Variants in ROBO1 observed in about 807,000 individuals in gnomAD.
The protein encoded by ROBO1 is roundabout homolog 1.
A neutral mutation model predicts 195.9 loss-of-function variants in ROBO1; 149 were observed. The ratio of observed to expected loss-of-function variants is 0.76; its 90% CI spans 0.67 to 0.87. ROBO1 has a LOEUF of 0.87. Ranked by LOEUF, ROBO1 falls within the 40% of genes least tolerant of loss-of-function variation. The pLI is 0.00. For synonymous variants in ROBO1, 816 were observed against 733.2 expected (o/e 1.11, Z -1.82); for missense variants, 1,933 against 2,068.3 (o/e 0.93, Z 1.27).
In ROBO1 at chr3:79,698,385, G is replaced by A. The variant is rs764195159; in HGVS notation, c.-51+69367C>T. On this transcript the variant is annotated intron_variant, in intron 1 of 30. Transcript: ENST00000464233. ...AAAACAATCACAGATAGATAAGATA[G>A]GTAAGATAGATATATCAGTAAGGTA... Among the ~76,000 whole-genome samples, 4 of 151,408 alleles carry A rather than the reference G, an allele frequency of 2.6e-5. No homozygotes were observed. The East Asian group carries it at 7.8e-4, about 29-fold the overall frequency.
intron 2 of ROBO1, among the ~76,000 whole-genome samples, chr3:79,418,489 AC>A (rs2038097065): frequency 6.6e-6 from 1 of 152,056 alleles, no homozygotes; most frequent in African/African-American, 2.4e-5. Flanking sequence ...GATTTCCTCC[AC>A]TCTTTCCACC....
At chr3:79,117,589 G>C (rs1315009512) in intron 3 of ROBO1, among the ~76,000 whole-genome samples, 2 of 152,116 alleles carry the variant, frequency 1.3e-5, no homozygotes, top group Admixed American at 6.5e-5. Context: ...CACTTAAGTT[G>C]TGTTGTCATG....
At chr3:78,709,815 A>T (rs1575987955) in intron 8 of ROBO1, among the ~76,000 whole-genome samples, 1 of 152,266 alleles carries the variant, frequency 6.6e-6, no homozygotes, top group East Asian at 1.9e-4. Context: ...AATCTAAAAA[A>T]TTAGAAAACA....
chr3:78,819,814 C>T (rs944453373), intron 4 of ROBO1, among the ~76,000 whole-genome samples: 15 of 152,012 alleles, frequency 9.9e-5, no homozygotes, highest in African/African-American at 3.6e-4. Context: ...GCCACCAACC[C>T]GATACACACA....
In ROBO1 at chr3:79,582,335, C is replaced by T. The variant is rs1463772442; in HGVS notation, c.88+7489G>A. On this transcript the variant is annotated intron_variant, in intron 2 of 30. Transcript: ENST00000464233. Reference sequence around the variant, plus strand: ...TTCAGTGAATAATTTTTAGCTCCCCCTTACTCTTTTAGAGATCAAGAACCT... The same window carrying T: ...TTCAGTGAATAATTTTTAGCTCCCCTTTACTCTTTTAGAGATCAAGAACCT... Among the ~76,000 whole-genome samples, 8 of 151,754 alleles carry T rather than the reference C, an allele frequency of 5.3e-5. No individual in the cohort carries two copies. The East Asian group carries it at 1.4e-3, about 26-fold the overall frequency.
At chr3:79,393,674 G>C (rs1372542094) in intron 2 of ROBO1, among the ~76,000 whole-genome samples, 1 of 152,164 alleles carries the variant, frequency 6.6e-6, no homozygotes, top group Non-Finnish European at 1.5e-5. Flanking sequence ...AACTGGAGGA[G>C]AGCTGAGAAG....
At chr3:79,326,115 A>C (rs2109148807) in intron 2 of ROBO1, among the ~76,000 whole-genome samples, 1 of 152,208 alleles carries the variant, frequency 6.6e-6, no homozygotes, top group African/African-American at 2.4e-5. Flanking sequence ...TTTTGGTCAG[A>C]CCGGTTGCTC....
At chr3:78,826,801 A>C (rs1304278483) in intron 4 of ROBO1, among the ~76,000 whole-genome samples, 2 of 152,154 alleles carry the variant, frequency 1.3e-5, no homozygotes, top group Admixed American at 1.3e-4. Flanking sequence ...ACATTTATAC[A>C]TTAGGTATTG....
chr3:79,575,410 T>A (rs1449991213), intron 2 of ROBO1, among the ~76,000 whole-genome samples: 1 of 127,716 alleles, frequency 7.8e-6, no homozygotes, highest in African/African-American at 3.0e-5. Context: ...TAAATATAGA[T>A]AACAAATATA....
chr3:79,394,569 A>T (rs964821185), intron 2 of ROBO1, among the ~76,000 whole-genome samples: 4 of 151,312 alleles, frequency 2.6e-5, no homozygotes, highest in African/African-American at 9.7e-5. Context: ...CACATCAGTA[A>T]TTTTTGAAAA....
chr3:79,388,609 T>C (rs1354318139), intron 2 of ROBO1, among the ~76,000 whole-genome samples: 7 of 151,916 alleles, frequency 4.6e-5, no homozygotes, highest in African/African-American at 1.5e-4. Context: ...GTGAACTCCA[T>C]GAGGCAGGCA....
At chr3:78,900,442 T>C (rs1283478767) in intron 4 of ROBO1, among the ~76,000 whole-genome samples, 1 of 152,190 alleles carries the variant, frequency 6.6e-6, no homozygotes, top group African/African-American at 2.4e-5. Flanking sequence ...ATAATCTTTT[T>C]CAGTTCTTAT....
In ROBO1 at chr3:78,818,049, T is replaced by C. The variant is rs533487687; in HGVS notation, c.500-71149A>G. Among the ~76,000 whole-genome samples the C allele has an allele frequency of 2.6e-4, 40 of 152,294 alleles. No homozygotes were observed. In the Middle Eastern group the frequency reaches 0.01, roughly 39 times the overall value. ...CCAAAACCACTTGAACAGCTACCGTTTGCAGCCAGAAAGAGGTGACTGAGT... is the reference window on the plus strand; with the variant it reads ...CCAAAACCACTTGAACAGCTACCGTCTGCAGCCAGAAAGAGGTGACTGAGT... On this transcript the variant is annotated intron_variant, in intron 4 of 30. Transcript: ENST00000464233.
chr3:79,255,968 T>C (rs1022208423), intron 2 of ROBO1, among the ~76,000 whole-genome samples: 8 of 152,170 alleles, frequency 5.3e-5, no homozygotes, highest in Non-Finnish European at 7.4e-5. Flanking sequence ...TCTTTCAGGA[T>C]TTAGAATGCA....
chr3:78,624,136 G>A (rs7648749), intron 26 of ROBO1, among the ~76,000 whole-genome samples: 141,401 of 152,252 alleles, frequency 0.93, 65,684 homozygotes, highest in East Asian at 0.97. Flanking sequence ...CAGTGAAAAG[G>A]GTAGTTTATA....
chr3:79,546,075 A>G (rs890775724), intron 2 of ROBO1, among the ~76,000 whole-genome samples: 18 of 152,032 alleles, frequency 1.2e-4, no homozygotes, highest in African/African-American at 4.3e-4. Context: ...ACTTCCACTT[A>G]ATGTATAGTA....
intron 29 of ROBO1, among the ~76,000 whole-genome samples, chr3:78,603,894 G>A (rs894674727): frequency 2.0e-5 from 3 of 151,490 alleles, no homozygotes; most frequent in African/African-American, 4.9e-5. Flanking sequence ...GTCTTACTTC[G>A]TTTGTTACAA....
Position 79,471,209 on chromosome 3 carries a change from A to C in ROBO1, c.88+118615T>G, listed in dbSNP as rs1250829765. Among the ~76,000 whole-genome samples the C allele has an allele frequency of 2.0e-5, 3 of 152,212 alleles. No individual in the cohort carries two copies. The East Asian group carries it at 5.8e-4, about 29-fold the overall frequency. On this transcript the variant is annotated intron_variant, in intron 2 of 30. Transcript: ENST00000464233. ...CCAAAGCTATACAACCACTGGAAAAATATCATAGGGGAAATGCTTTATGAC... is the reference window on the plus strand; with the variant it reads ...CCAAAGCTATACAACCACTGGAAAACTATCATAGGGGAAATGCTTTATGAC...
chr3:79,173,508 C>T (rs1020078735), intron 2 of ROBO1, among the ~76,000 whole-genome samples: 10 of 152,012 alleles, frequency 6.6e-5, no homozygotes, highest in Non-Finnish European at 1.3e-4. Context: ...TGTGCTGGGG[C>T]CCCCAGCAGT....
Sources: gnomAD v4.1 joint callset for allele counts (sites outside exome capture counted in the v4.1 genomes callset) on GRCh38, gnomAD v4.1.1 for gene constraint, MANE v1.5 for transcripts, NCBI Gene and HGNC (gene_info 2026-07-23, HGNC 2026-07-21) for gene names.